ANKRD11: variants seen among roughly 807,000 people sequenced by gnomAD.
The protein encoded by ANKRD11 is ankyrin repeat domain-containing protein 11.
ANKRD11 carries 17 observed loss-of-function variants against 195.7 expected under a neutral mutation model. That is an observed-to-expected ratio of 0.09 (90% CI 0.06 to 0.13). The LOEUF (loss-of-function observed/expected upper bound fraction) is 0.13, where lower values mean the gene tolerates loss of function less well. Ranked by LOEUF, ANKRD11 falls within the 10% of genes least tolerant of loss-of-function variation. The pLI, the probability that ANKRD11 is intolerant of heterozygous loss-of-function variation, is 1.00. For synonymous variants in ANKRD11, 1,953 were observed against 1,528.1 expected (o/e 1.28, Z -6.49); for missense variants, 3,735 against 3,566.1 (o/e 1.05, Z -1.21).
chr16:89,285,355 G>A lies in ANKRD11; in HGVS notation c.1187C>T (p.Thr396Met), dbSNP rs145699896. ...ATGGGACGCTTTCTTTGGTGCAATC[G>A]TGTTATTTTTAGTGTAACTTTTAAC... is the stretch of plus-strand genomic sequence containing the variant. ...MEVKSYTKNNTIAPKKASHRI... is the reference protein window; with the variant it reads ...MEVKSYTKNNMIAPKKASHRI... The change falls in exon 9 of 13, where the codon ACG becomes ATG. Residue 396 changes from threonine to methionine, a missense_variant. By Grantham distance (81) the Thr-to-Met change is moderately conservative. Coordinates refer to ENST00000301030, the MANE Select transcript of ANKRD11 (RefSeq NM_013275.6). This position sits in a 1 kb window ranked among gnomAD's most constrained non-coding sequence, Gnocchi z 5.6. 2.2e-5 allele frequency: 35 copies of A among 1,614,050 alleles called. No individual in the cohort carries two copies. In the South Asian group the frequency reaches 2.5e-4, roughly 12 times the overall value.
intron 2 of ANKRD11, among the ~76,000 whole-genome samples, chr16:89,408,618 C>T (rs772410286): frequency 3.9e-5 from 6 of 152,174 alleles, no homozygotes; most frequent in East Asian, 3.8e-4. Flanking sequence ...GCATGAAAGA[C>T]GTCCCAGCCG....
At chr16:89,300,915 C>A in intron 4 of ANKRD11, 1 of 700,526 alleles carries the variant, frequency 1.4e-6, no homozygotes, top group Non-Finnish European at 2.6e-6. Context: ...GCGCTCCTGA[C>A]GAGGGCTCCC....
chr16:89,401,822 G>A (rs1337272793), intron 2 of ANKRD11, among the ~76,000 whole-genome samples: 3 of 152,070 alleles, frequency 2.0e-5, no homozygotes, highest in Non-Finnish European at 4.4e-5. Context: ...GGCGGAGATC[G>A]TGGTGATGCG....
chr16:89,334,144 T>TAAAA lies in ANKRD11; in HGVS notation c.-59-17070_-59-17067dup, dbSNP rs869142504. Among the ~76,000 whole-genome samples, 54 of 41,408 alleles carry TAAAA rather than the reference T, an allele frequency of 1.3e-3. 4 individuals are homozygous for TAAAA. Among genetic ancestry groups the TAAAA allele is most frequent in the African/African-American group, 4.2e-3 (44 of 10,446 alleles). 27.2% of individuals were successfully genotyped at this position (41,408 alleles called of 152,430 possible). On this transcript the variant is annotated intron_variant, in intron 2 of 12. Transcript: ENST00000301030. ...GGTAACATGATGAAACCCTGTGTTT[T>TAAAA]AAAAAAAAAAAAAAAAAAAAAAAAA...
At chr16:89,406,688 G>T (rs1296312895) in intron 2 of ANKRD11, among the ~76,000 whole-genome samples, 2 of 152,162 alleles carry the variant, frequency 1.3e-5, no homozygotes, top group Non-Finnish European at 2.9e-5. Context: ...CTGCCTGGAG[G>T]AAGGAAGGAC....
At chr16:89,290,228 G>C in intron 6 of ANKRD11, among the ~76,000 whole-genome samples, 1 of 124,318 alleles carries the variant, frequency 8.0e-6, no homozygotes, top group African/African-American at 3.2e-5. Context: ...TCCAATGGGG[G>C]AGGCTCAGGG....
chr16:89,363,874 G>A (rs1430237601), intron 2 of ANKRD11, among the ~76,000 whole-genome samples: 1 of 151,946 alleles, frequency 6.6e-6, no homozygotes, highest in Non-Finnish European at 1.5e-5. Flanking sequence ...TGGCCATCGT[G>A]GCAAAACCCT....
intron 2 of ANKRD11, among the ~76,000 whole-genome samples, chr16:89,376,317 T>C (rs1160430491): frequency 6.6e-6 from 1 of 152,188 alleles, no homozygotes; most frequent in Non-Finnish European, 1.5e-5. Context: ...TTTAGAACGT[T>C]TGGCTTTAAC....
intron 2 of ANKRD11, among the ~76,000 whole-genome samples, chr16:89,385,744 T>A (rs972799989): frequency 6.6e-6 from 1 of 152,236 alleles, no homozygotes; most frequent in Non-Finnish European, 1.5e-5. Context: ...CACTTTCACG[T>A]CTGACGACAG....
intron 12 of ANKRD11, 110 bp from the exon 13 acceptor site, chr16:89,268,773 A>T (rs2032859767): frequency 7.7e-7 from 1 of 1,304,782 alleles, no homozygotes; most frequent in Non-Finnish European, 1.1e-6. Context: ...CCGTGAACCT[A>T]CCCTGGTATG....
intron 4 of ANKRD11, among the ~76,000 whole-genome samples, chr16:89,293,623 C>T (rs1359966021): frequency 4.2e-5 from 2 of 48,120 alleles, no homozygotes; most frequent in African/African-American, 1.6e-4. Context: ...GGAGCTGGGG[C>T]GGTGTTGGGG....
intron 4 of ANKRD11, among the ~76,000 whole-genome samples, chr16:89,295,691 C>T (rs937618350): frequency 6.6e-6 from 1 of 151,936 alleles, no homozygotes; most frequent in African/African-American, 2.4e-5. Flanking sequence ...GCGAGCGTCC[C>T]GAGGCAAACG....
chr16:89,383,184 G>A (rs979874833), intron 2 of ANKRD11, among the ~76,000 whole-genome samples: 2 of 152,236 alleles, frequency 1.3e-5, no homozygotes, highest in South Asian at 4.1e-4. Context: ...AAAGGGAGCG[G>A]TGCGAGGTCA....
At position 89,445,896 on chromosome 16, in the gene ANKRD11, G is replaced by A. The variant is rs535676859; in HGVS notation, c.-144-27528C>T. Among the ~76,000 whole-genome samples, 8 of 151,514 alleles carry A rather than the reference G, an allele frequency of 5.3e-5. No homozygotes were observed. In the South Asian group the frequency reaches 8.3e-4, roughly 16 times the overall value. Reference sequence around the variant, plus strand: ...AGGCAGGAGAATCACTTGAACCCAAGAGGCAGACATTGTGGTGAGCGGAGA... The same window carrying A: ...AGGCAGGAGAATCACTTGAACCCAAAAGGCAGACATTGTGGTGAGCGGAGA... On this transcript the variant is annotated intron_variant, in intron 1 of 12. Coordinates refer to ENST00000301030, the MANE Select transcript of ANKRD11 (RefSeq NM_013275.6).
At chr16:89,368,341 T>G (rs2040037977) in intron 2 of ANKRD11, among the ~76,000 whole-genome samples, 1 of 145,488 alleles carries the variant, frequency 6.9e-6, no homozygotes, top group Non-Finnish European at 1.5e-5. Flanking sequence ...GGATTACAGG[T>G]GCCTGCTGCC....
chr16:89,309,230 C>G (rs918377593), intron 3 of ANKRD11, among the ~76,000 whole-genome samples: 3 of 152,164 alleles, frequency 2.0e-5, no homozygotes, highest in Non-Finnish European at 2.9e-5. Flanking sequence ...AAATGCTGGG[C>G]ATGGCCACAG....
At chr16:89,377,316 A>G (rs2040464543) in intron 2 of ANKRD11, among the ~76,000 whole-genome samples, 1 of 152,164 alleles carries the variant, frequency 6.6e-6, no homozygotes, top group Non-Finnish European at 1.5e-5. Context: ...TGACACCATG[A>G]AAGATGCCAT....
intron 1 of ANKRD11, among the ~76,000 whole-genome samples, chr16:89,423,739 C>T (rs1377354386): frequency 1.3e-5 from 2 of 152,172 alleles, no homozygotes; most frequent in Non-Finnish European, 2.9e-5. Flanking sequence ...CCCAGATGTG[C>T]TTCGATGGTG....
At chr16:89,370,273 G>A (rs577306451) in intron 2 of ANKRD11, among the ~76,000 whole-genome samples, 1 of 152,312 alleles carries the variant, frequency 6.6e-6, no homozygotes, top group East Asian at 1.9e-4. Context: ...GTGTGGGCCT[G>A]TGCCCAACTA....
Sources: gnomAD v4.1 joint callset for allele counts (sites outside exome capture counted in the v4.1 genomes callset) on GRCh38, gnomAD v4.1.1 for gene constraint, Gnocchi (gnomAD v3.1) non-coding constraint, MANE v1.5 for transcripts, NCBI Gene and HGNC (gene_info 2026-07-23, HGNC 2026-07-21) for gene names.